Variants in CNKSR2 observed in about 807,000 individuals in gnomAD.
CNKSR2 encodes connector enhancer of kinase suppressor of Ras 2, also known as CNK homolog protein 2.
Under a neutral mutation model 84.4 loss-of-function variants are expected in CNKSR2, and 14 were observed. The observed-to-expected ratio is 0.17, with a 90% CI of 0.11 to 0.26. The LOEUF is 0.26. CNKSR2 is among the 10% of genes least tolerant of loss of function. CNKSR2 has a pLI of 1.00. For missense variants in CNKSR2, 485 were observed against 771.2 expected (o/e 0.63, Z 4.40); for synonymous variants, 275 against 277.9 (o/e 0.99, Z 0.10).
At chrX:21,575,288 T>A (rs1404522838) in intron 13 of CNKSR2, among the ~76,000 whole-genome samples, 1 of 111,447 alleles carries the variant, frequency 9.0e-6, no homozygotes, top group Non-Finnish European at 1.9e-5. Flanking sequence ...TTATATAATT[T>A]GTTCTTTTTG....
chrX:21,391,004 G>A lies in CNKSR2; in HGVS notation c.64+16043G>A, dbSNP rs747182935. 4.5e-5 allele frequency among the ~76,000 whole-genome samples: 5 copies of A among 112,199 alleles called. No homozygotes were observed. The South Asian group carries it at 1.5e-3, about 34-fold the overall frequency. On this transcript the variant is annotated intron_variant, in intron 1 of 21. Coordinates refer to ENST00000379510, the MANE Select transcript of CNKSR2 (RefSeq NM_014927.5). ...GGCGGTCATTAAATCTTATAGCTCCGTAATTACCTCCCTTGACTCCATGTC... is the reference window on the plus strand; with the variant it reads ...GGCGGTCATTAAATCTTATAGCTCCATAATTACCTCCCTTGACTCCATGTC...
chrX:21,519,815 A>C (rs2091764692), intron 9 of CNKSR2, among the ~76,000 whole-genome samples: 1 of 111,075 alleles, frequency 9.0e-6, no homozygotes, highest in African/African-American at 3.3e-5. Context: ...AGTTTGTAGT[A>C]GTATGGAGGT....
intron 8 of CNKSR2, among the ~76,000 whole-genome samples, chrX:21,511,987 A>G (rs918021254): frequency 1.1e-4 from 12 of 111,030 alleles, no homozygotes; most frequent in Non-Finnish European, 2.3e-4. Flanking sequence ...CTCCTGTTGC[A>G]CTCTGTATTC....
chrX:21,527,369 T>A (rs752075881), intron 10 of CNKSR2, among the ~76,000 whole-genome samples: 78 of 109,765 alleles, frequency 7.1e-4, no homozygotes, highest in Admixed American at 1.1e-3. Context: ...ATTTTTTTTT[T>A]AAAAAAAGAG....
chrX:21,603,183 T>C (rs1415813557), intron 18 of CNKSR2, among the ~76,000 whole-genome samples: 1 of 112,460 alleles, frequency 8.9e-6, no homozygotes, highest in Non-Finnish European at 1.9e-5. Flanking sequence ...AGTTACAATT[T>C]AATGCAACAA....
chrX:21,483,672 T>C (rs2091348066), intron 5 of CNKSR2, among the ~76,000 whole-genome samples: 1 of 108,033 alleles, frequency 9.3e-6, no homozygotes, highest in South Asian at 4.0e-4. Context: ...TTTTAAATAC[T>C]AATTTAAATT....
chrX:21,432,940 G>A, intron 3 of CNKSR2, 126 bp downstream of exon 3: 1 of 651,415 alleles, frequency 1.5e-6, no homozygotes, highest in East Asian at 3.5e-5. Flanking sequence ...AATGTCTAAT[G>A]ATGATTTACC....
intron 20 of CNKSR2, among the ~76,000 whole-genome samples, chrX:21,626,045 G>T (rs1210606338): frequency 9.0e-6 from 1 of 111,125 alleles, no homozygotes; most frequent in Non-Finnish European, 1.9e-5. Context: ...TAATGGGAGA[G>T]AAAAACATAC....
chrX:21,470,724 C>T, intron 4 of CNKSR2, 42 bp from the exon 5 acceptor site: 1 of 646,894 alleles, frequency 1.5e-6, no homozygotes, highest in Admixed American at 3.5e-5. Context: ...TAAAAGAATG[C>T]TTGATATTTT....
At chrX:21,510,815 T>C (rs2091663796) in intron 8 of CNKSR2, among the ~76,000 whole-genome samples, 1 of 111,911 alleles carries the variant, frequency 8.9e-6, no homozygotes, top group Non-Finnish European at 1.9e-5. Context: ...TTAATGTACA[T>C]GTTGGGGATT....
intron 10 of CNKSR2, among the ~76,000 whole-genome samples, chrX:21,530,951 C>A (rs1032706011): frequency 3.6e-5 from 4 of 110,112 alleles, no homozygotes; most frequent in Admixed American, 9.7e-5. Context: ...AGAAAAAAAT[C>A]AACTTGCCAT....
At chrX:21,541,851 C>T (rs1169196349) in intron 11 of CNKSR2, among the ~76,000 whole-genome samples, 1 of 112,055 alleles carries the variant, frequency 8.9e-6, no homozygotes, top group African/African-American at 3.2e-5. Context: ...GGATTAAGTA[C>T]TCATGGATAT....
At chrX:21,638,128 C>G (rs2092679994) in intron 20 of CNKSR2, among the ~76,000 whole-genome samples, 1 of 111,647 alleles carries the variant, frequency 9.0e-6, no homozygotes, top group South Asian at 3.7e-4. Flanking sequence ...CTCTTTCATT[C>G]ATTAAAGAAA....
chrX:21,592,967 G>T (rs974923217), intron 15 of CNKSR2: 1 of 108,173 alleles, frequency 9.2e-6, no homozygotes, highest in Admixed American at 1.0e-4. Flanking sequence ...ATGAAAAACT[G>T]TGGCCCCTTT....
chrX:21,386,664 T>C (rs2089974502), intron 1 of CNKSR2, among the ~76,000 whole-genome samples: 1 of 112,596 alleles, frequency 8.9e-6, no homozygotes, highest in African/African-American at 3.2e-5. Context: ...TGCTTTCTTT[T>C]AATAGAAAGA....
chrX:21,518,972 G>A (rs1379388642), intron 9 of CNKSR2, among the ~76,000 whole-genome samples: 1 of 111,487 alleles, frequency 9.0e-6, no homozygotes, highest in Non-Finnish European at 1.9e-5. Context: ...ACTATTGGTT[G>A]GGGGAGGGGA....
chrX:21,578,319 A>G (rs2092332007), intron 13 of CNKSR2, among the ~76,000 whole-genome samples: 1 of 111,504 alleles, frequency 9.0e-6, no homozygotes, highest in African/African-American at 3.3e-5. Context: ...TATTTTCATA[A>G]ATCTAGAGTG....
At chrX:21,556,203 T>C (rs1355211830) in intron 11 of CNKSR2, among the ~76,000 whole-genome samples, 1 of 111,207 alleles carries the variant, frequency 9.0e-6, no homozygotes, top group Non-Finnish European at 1.9e-5. Context: ...CTATTTACTT[T>C]CTTAACAAGC....
intron 1 of CNKSR2, among the ~76,000 whole-genome samples, chrX:21,387,754 A>G (rs756602963): frequency 9.0e-6 from 1 of 111,446 alleles, no homozygotes; most frequent in Non-Finnish European, 1.9e-5. Context: ...TTCAGATAAT[A>G]TAACCTACCT....
Sources: allele counts gnomAD v4.1 joint callset (sites outside exome capture counted in the v4.1 genomes callset), GRCh38; gene constraint gnomAD v4.1.1; transcripts MANE v1.5; gene names NCBI Gene and HGNC (gene_info 2026-07-23, HGNC 2026-07-21).